GARRE1: variants seen among roughly 807,000 people sequenced by gnomAD.
GARRE1 encodes granule associated Rac and RHOG effector 1, also known as granule associated Rac and RHOG effector protein 1.
GARRE1 carries 49 observed loss-of-function variants against 103.2 expected under a neutral mutation model. The observed-to-expected ratio is 0.47, with a 90% CI of 0.38 to 0.60. GARRE1 has a LOEUF of 0.60. Ranked by LOEUF, GARRE1 falls within the 20% of genes least tolerant of loss-of-function variation. The pLI is 0.00. For synonymous variants in GARRE1, 505 were observed against 532.8 expected, an observed-to-expected ratio of 0.95 and a Z score of 0.72; for missense variants, 1,199 against 1,370.5, an observed-to-expected ratio of 0.87 and a Z score of 1.98.
At chr19:34,307,537 T>C (rs2145248055) in intron 2 of GARRE1, among the ~76,000 whole-genome samples, 1 of 149,384 alleles carries the variant, frequency 6.7e-6, no homozygotes, top group East Asian at 1.9e-4. Flanking sequence ...TATATATATA[T>C]ATGCCAGACA....
At chr19:34,302,527 C>T (rs1265814322) in intron 2 of GARRE1, among the ~76,000 whole-genome samples, 1 of 151,992 alleles carries the variant, frequency 6.6e-6, no homozygotes, top group African/African-American at 2.4e-5. Flanking sequence ...CTCCTAACCT[C>T]AAGTGATCCA....
intron 5 of GARRE1, 49 bp downstream of exon 5, chr19:34,327,915 C>T: frequency 6.2e-7 from 1 of 1,612,296 alleles, no homozygotes; most frequent in Non-Finnish European, 8.5e-7. Flanking sequence ...GCTGCTCCTG[C>T]AGTCTAGTGT....
chr19:34,295,516 T>G (rs543587913), intron 1 of GARRE1, among the ~76,000 whole-genome samples: 19 of 31,094 alleles, frequency 6.1e-4, no homozygotes, highest in African/African-American at 1.4e-3. Context: ...TATCTCTTGG[T>G]GTTTTGTTTT....
chr19:34,350,783 A>G (rs983260877), intron 12 of GARRE1, among the ~76,000 whole-genome samples: 6 of 151,658 alleles, frequency 4.0e-5, no homozygotes, highest in East Asian at 2.0e-4. Flanking sequence ...GGGTTTCACC[A>G]TGTTAGCCAG....
Position 34,342,010 on chromosome 19 carries a change from G to C in GARRE1, c.2076G>C (p.Pro692=), listed in dbSNP as rs373052299. 5.0e-6 allele frequency: 8 copies of C among 1,614,084 alleles called. 1 individual carries two copies. In the Middle Eastern group the frequency reaches 1.2e-3, roughly 233 times the overall value. The stretch of plus-strand genomic sequence containing the variant: ...CAGGAGCCATGCAACCACAGCAGCC[G>C]TCACTGCCTGTGCCCCCTCCACCAC... The part of the protein sequence containing the change: ...QKAGAMQPQQ[P]SLPVPPPPRA... Residue 692 remains proline (P), a synonymous_variant, in exon 10 of 14, where the codon CCG becomes CCC. Transcript: ENST00000299505.
chr19:34,266,728 A>G (rs1434303783), intron 1 of GARRE1, among the ~76,000 whole-genome samples: 2 of 152,124 alleles, frequency 1.3e-5, no homozygotes, highest in African/African-American at 4.8e-5. Flanking sequence ...GAGATGTTAT[A>G]ATTTATTGAT....
In GARRE1 at chr19:34,352,827, G is replaced by T; in HGVS notation, c.3085G>T (p.Ala1029Ser). The T allele has an allele frequency of 6.2e-7, 1 of 1,611,658 alleles. No homozygotes were observed. Among genetic ancestry groups the T allele is most frequent in the Non-Finnish European group, 8.5e-7 (1 of 1,178,948 alleles). The change falls in exon 14 of 14, where the codon GCT becomes TCT. Residue 1029 changes from alanine (A) to serine (S), a missense_variant. Physicochemically the swap from Ala to Ser is moderately conservative, Grantham distance 99 (BLOSUM62 1). Transcript: ENST00000299505. ...VWAATNDCSA[A>S]AFSYVQTPPQ... Reference sequence around the variant, plus strand: ...GGCCGCAACCAACGACTGCAGTGCCGCTGCCTTCTCCTATGTGCAGACCCC... The same window carrying T: ...GGCCGCAACCAACGACTGCAGTGCCTCTGCCTTCTCCTATGTGCAGACCCC...
chr19:34,338,257 C>T lies in GARRE1; in HGVS notation c.1362-1610C>T, dbSNP rs144559210. On this transcript the variant is annotated intron_variant, in intron 8 of 13. Transcript: ENST00000299505. The stretch of plus-strand genomic sequence containing the variant: ...TCCCTCTCAGAAAAGGGCTCTTGGC[C>T]AGACCAAGTGGCTCACACCCGTAAT... Among the ~76,000 whole-genome samples, 1,516 of 152,218 alleles carry T rather than the reference C, an allele frequency of 1.0e-2. 16 individuals carry two copies. The highest frequency in any genetic ancestry group is 0.013 in the Non-Finnish European group (894 of 68,010).
intron 2 of GARRE1, among the ~76,000 whole-genome samples, chr19:34,303,454 T>A (rs779566590): frequency 6.6e-6 from 1 of 152,226 alleles, no homozygotes; most frequent in Non-Finnish European, 1.5e-5. Context: ...TTTTACTGTG[T>A]TTAAAAGTGA....
intron 2 of GARRE1, among the ~76,000 whole-genome samples, chr19:34,305,262 A>G (rs564055699): frequency 2.6e-5 from 4 of 152,164 alleles, no homozygotes; most frequent in Non-Finnish European, 5.9e-5. Flanking sequence ...CCGTCTGTAC[A>G]TGCATGGATA....
chr19:34,261,666 A>C (rs10423904), intron 1 of GARRE1, among the ~76,000 whole-genome samples: 4,709 of 152,242 alleles, frequency 0.031, 242 homozygotes, highest in African/African-American at 0.11. Flanking sequence ...TGACACGTCC[A>C]AAGGTGTGGA....
chr19:34,349,819 T>G (rs1822457527), intron 12 of GARRE1, among the ~76,000 whole-genome samples: 1 of 151,882 alleles, frequency 6.6e-6, no homozygotes, highest in African/African-American at 2.4e-5. Flanking sequence ...CTCTGTCAGA[T>G]AGGCAGTGGG....
Position 34,342,570 on chromosome 19 carries a change from C to G in GARRE1, c.2521+115C>G, listed in dbSNP as rs1023186594. ...GTGAAGGTGAAATCATTTAATCCCC[C>G]TTTACGACCCTTTCTCACTGTGGAG... On this transcript the variant is annotated intron_variant, in intron 10 of 13. Transcript: ENST00000299505. 5.4e-6 allele frequency: 5 copies of G among 930,986 alleles called. No homozygotes were observed. The East Asian group carries it at 1.0e-4, about 19-fold the overall frequency. 57.7% of individuals were successfully genotyped at this position (930,986 alleles called of 1,614,324 possible).
intron 2 of GARRE1, among the ~76,000 whole-genome samples, chr19:34,313,931 G>GTTGGAATCA (rs1423006592): frequency 6.6e-6 from 1 of 152,118 alleles, no homozygotes; most frequent in East Asian, 1.9e-4. Context: ...CTCCCGAGTA[G>GTTGGAATCA]TTGGAATCAC....
intron 7 of GARRE1, among the ~76,000 whole-genome samples, chr19:34,331,859 C>T (rs1201010647): frequency 6.6e-6 from 1 of 151,960 alleles, no homozygotes; most frequent in South Asian, 2.1e-4. Context: ...GGCGTGGTGG[C>T]GGGCACCTGT....
chr19:34,345,532 A>T (rs945351697), intron 10 of GARRE1, among the ~76,000 whole-genome samples: 1 of 152,144 alleles, frequency 6.6e-6, no homozygotes, highest in Admixed American at 6.6e-5. Context: ...ATTGTGTCAT[A>T]TTTGAGGCCG....
At chr19:34,308,524 A>C (rs179186) in intron 2 of GARRE1, among the ~76,000 whole-genome samples, 74,512 of 152,006 alleles carry the variant, frequency 0.49, 20,805 homozygotes, top group Non-Finnish European at 0.63. Context: ...CCTGTAGAGG[A>C]AGCTGTACTT....
intron 3 of GARRE1, among the ~76,000 whole-genome samples, chr19:34,325,672 G>A (rs890697239): frequency 2.0e-5 from 3 of 151,996 alleles, no homozygotes; most frequent in South Asian, 2.1e-4. Context: ...GGATGATGTC[G>A]CTTCTCATTT....
intron 1 of GARRE1, among the ~76,000 whole-genome samples, chr19:34,296,950 A>G (rs992843973): frequency 9.2e-5 from 14 of 152,224 alleles, no homozygotes; most frequent in African/African-American, 3.1e-4. Flanking sequence ...CTGGCTTCCA[A>G]ATGAATTTTG....
Sources: allele counts gnomAD v4.1 joint callset (sites outside exome capture counted in the v4.1 genomes callset), GRCh38; gene constraint gnomAD v4.1.1; transcripts MANE v1.5; gene names NCBI Gene and HGNC (gene_info 2026-07-23, HGNC 2026-07-21).